Variants in LDB2 observed in about 807,000 individuals in gnomAD.
The protein encoded by LDB2 is LIM domain-binding protein 2.
A neutral mutation model predicts 44.3 loss-of-function variants in LDB2; 12 were observed. The observed-to-expected ratio is 0.27, with a 90% CI of 0.17 to 0.44. The LOEUF (loss-of-function observed/expected upper bound fraction) is 0.44. Ranked by LOEUF, LDB2 falls within the 20% of genes least tolerant of loss-of-function variation. The pLI, the probability that LDB2 is intolerant of heterozygous loss-of-function variation, is 1.00. For missense variants in LDB2, 344 were observed against 473.5 expected, an observed-to-expected ratio of 0.73 and a Z score of 2.54; for synonymous variants, 164 against 174.8, an observed-to-expected ratio of 0.94 and a Z score of 0.49.
intron 5 of LDB2, among the ~76,000 whole-genome samples, chr4:16,523,972 C>T (rs1470744562): frequency 6.6e-6 from 1 of 152,122 alleles, no homozygotes. Context: ...CCCCACTAGA[C>T]TATAAACAAT....
At position 16,502,653 on chromosome 4, in the gene LDB2, G is replaced by T. The variant is rs1313164256; in HGVS notation, c.1112C>A (p.Ala371Asp). The T allele has an allele frequency of 6.2e-7, 1 of 1,613,830 alleles. No homozygotes were observed. Among genetic ancestry groups the T allele is most frequent in the Non-Finnish European group, 8.5e-7 (1 of 1,179,760 alleles). The change falls in exon 8 of 8, where the codon GCT becomes GAT. Residue 371 changes from alanine to aspartate, a missense_variant. Ala to Asp is a moderately radical substitution (Grantham distance 126). Around this residue, in one of 3 missense-constraint regions of LDB2, gnomAD observed 32 missense variants for 32.3 expected, o/e 0.99. Transcript: ENST00000304523. ...ETKSENPPPQ[A>D]SQ ...CTGGTGCCGATCATCTTATTGGGAA[G>T]CCTGGGGTGGGGGGTTTTCTGATTT...
intron 2 of LDB2, among the ~76,000 whole-genome samples, chr4:16,744,415 C>T (rs1357892617): frequency 1.3e-5 from 2 of 151,934 alleles, no homozygotes; most frequent in African/African-American, 2.4e-5. Flanking sequence ...TCTCTGCCTC[C>T]CAAAGTTCTG....
chr4:16,534,058 G>A (rs757046058), intron 5 of LDB2, among the ~76,000 whole-genome samples: 2 of 152,104 alleles, frequency 1.3e-5, no homozygotes, highest in African/African-American at 2.4e-5. Context: ...TAGCTCTCAA[G>A]GTAAATGATC....
intron 2 of LDB2, among the ~76,000 whole-genome samples, chr4:16,708,609 A>G (rs1013866405): frequency 5.3e-5 from 8 of 152,156 alleles, no homozygotes; most frequent in Non-Finnish European, 1.0e-4. Context: ...TCTATTACAA[A>G]CTAGACTGTT....
chr4:16,612,049 G>T (rs912030215), intron 2 of LDB2, among the ~76,000 whole-genome samples: 1 of 152,134 alleles, frequency 6.6e-6, no homozygotes, highest in Non-Finnish European at 1.5e-5. Flanking sequence ...TTGAATTCAG[G>T]ATTAAGAAAC....
At chr4:16,650,065 A>T (rs1737843584) in intron 2 of LDB2, among the ~76,000 whole-genome samples, 1 of 152,200 alleles carries the variant, frequency 6.6e-6, no homozygotes, top group Admixed American at 6.5e-5. Flanking sequence ...TCCTTTTGAG[A>T]TAAAACTTTT....
intron 1 of LDB2, among the ~76,000 whole-genome samples, chr4:16,880,686 A>G (rs1012320961): frequency 7.9e-5 from 12 of 152,060 alleles, no homozygotes; most frequent in Non-Finnish European, 1.8e-4. Context: ...GCGTCGGATC[A>G]CGAGGTCAGG....
chr4:16,688,814 C>T (rs1273875225), intron 2 of LDB2, among the ~76,000 whole-genome samples: 1 of 152,222 alleles, frequency 6.6e-6, no homozygotes, highest in Non-Finnish European at 1.5e-5. Flanking sequence ...TCTATTCTTG[C>T]TCCTAGCAGT....
At chr4:16,617,894 G>A (rs1180175738) in intron 2 of LDB2, among the ~76,000 whole-genome samples, 2 of 152,192 alleles carry the variant, frequency 1.3e-5, no homozygotes, top group Non-Finnish European at 2.9e-5. Flanking sequence ...TCCTTTAGAT[G>A]TTAGGGGTGG....
chr4:16,627,722 C>T (rs1256599276), intron 2 of LDB2, among the ~76,000 whole-genome samples: 2 of 152,198 alleles, frequency 1.3e-5, no homozygotes, highest in Non-Finnish European at 2.9e-5. Flanking sequence ...GAAATCGCTT[C>T]TCTTTGTGTG....
chr4:16,800,654 G>T (rs868077175), intron 1 of LDB2, among the ~76,000 whole-genome samples: 8 of 152,282 alleles, frequency 5.3e-5, no homozygotes, highest in Middle Eastern at 6.8e-3. Flanking sequence ...GAGAGGAATA[G>T]AAGACGTTTC....
chr4:16,876,498 C>A (rs779148015), intron 1 of LDB2, among the ~76,000 whole-genome samples: 7 of 152,104 alleles, frequency 4.6e-5, no homozygotes, highest in Non-Finnish European at 8.8e-5. Flanking sequence ...CACTAATAGG[C>A]GATTAAATGT....
At chr4:16,774,120 A>C (rs868359742) in intron 1 of LDB2, among the ~76,000 whole-genome samples, 159 of 135,546 alleles carry the variant, frequency 1.2e-3, no homozygotes, top group African/African-American at 4.2e-3. Context: ...ACGCCATTGC[A>C]CTCCAGCCTG....
chr4:16,671,384 A>T (rs370795597), intron 2 of LDB2, among the ~76,000 whole-genome samples: 31 of 152,236 alleles, frequency 2.0e-4, no homozygotes, highest in African/African-American at 7.2e-4. Flanking sequence ...GGGAAATAAG[A>T]TACTCCGTGT....
chr4:16,615,716 A>AT (rs1171392103), intron 2 of LDB2, among the ~76,000 whole-genome samples: 1 of 152,132 alleles, frequency 6.6e-6, no homozygotes, highest in Non-Finnish European at 1.5e-5. Context: ...CATGTATCCC[A>AT]TTTTTTTGGA....
intron 1 of LDB2, among the ~76,000 whole-genome samples, chr4:16,849,796 C>T (rs1212674285): frequency 3.3e-5 from 5 of 152,166 alleles, no homozygotes; most frequent in Non-Finnish European, 7.4e-5. Context: ...GGGTTCTGCC[C>T]ACTTCTGGAG....
intron 1 of LDB2, among the ~76,000 whole-genome samples, chr4:16,809,472 G>A (rs1192529154): frequency 6.6e-6 from 1 of 152,294 alleles, no homozygotes; most frequent in African/African-American, 2.4e-5. Context: ...AGACTGGGCA[G>A]ATGCAGGCAC....
intron 1 of LDB2, among the ~76,000 whole-genome samples, chr4:16,763,299 G>C (rs890332252): frequency 1.3e-5 from 2 of 152,096 alleles, no homozygotes; most frequent in African/African-American, 4.8e-5. Context: ...AACTCAGCTC[G>C]GGAAATCACT....
At chr4:16,644,292 T>C (rs1284923159) in intron 2 of LDB2, among the ~76,000 whole-genome samples, 1 of 152,186 alleles carries the variant, frequency 6.6e-6, no homozygotes, top group East Asian at 1.9e-4. Flanking sequence ...CACTTCAATA[T>C]TTCATCCCAA....
Sources: allele counts gnomAD v4.1 joint callset (sites outside exome capture counted in the v4.1 genomes callset), GRCh38; gene constraint gnomAD v4.1.1; regional missense constraint gnomAD v4.1.1; transcripts MANE v1.5; gene names NCBI Gene and HGNC (gene_info 2026-07-23, HGNC 2026-07-21).